The following PLCL2 variants were observed in gnomAD, a reference collection of about 807,000 sequenced individuals.
PLCL2 encodes the protein phospholipase C like 2, also known as inactive phospholipase C-like protein 2.
In PLCL2, 4 loss-of-function variants were observed where a neutral mutation model predicts 79.6. That is an observed-to-expected ratio of 0.05 (90% CI 0.02 to 0.11). The LOEUF is 0.11. Ranked by LOEUF, PLCL2 falls within the 10% of genes least tolerant of loss-of-function variation. The probability of loss-of-function intolerance (pLI) is 1.00; values close to 1 mark genes in which losing one functional copy is unlikely to be tolerated. For missense variants in PLCL2, 895 were observed against 1,291.0 expected, an observed-to-expected ratio of 0.69 and a Z score of 4.70; for synonymous variants, 484 against 457.7, an observed-to-expected ratio of 1.06 and a Z score of -0.73.
intron 1 of PLCL2, among the ~76,000 whole-genome samples, chr3:16,929,261 G>C (rs1225729649): frequency 6.6e-6 from 1 of 152,132 alleles, no homozygotes; most frequent in Admixed American, 6.5e-5. Context: ...TTGTCTCAGA[G>C]CCTATAGAGG....
Position 16,955,362 on chromosome 3 carries a change from G to A in PLCL2, c.328-54312G>A, listed in dbSNP as rs1298759960. On this transcript the variant is annotated intron_variant, in intron 1 of 5. Transcript: ENST00000615277. ...TAGATGTGTGGTATTATTTCTGAGG[G>A]CTCTGTTCTGTTCCATTGATCTATA... 4.6e-5 allele frequency among the ~76,000 whole-genome samples: 7 copies of A among 152,130 alleles called. No homozygotes were observed. The South Asian group carries it at 1.5e-3, about 32-fold the overall frequency.
At chr3:16,961,208 G>A (rs989968088) in intron 1 of PLCL2, among the ~76,000 whole-genome samples, 1 of 152,202 alleles carries the variant, frequency 6.6e-6, no homozygotes, top group Admixed American at 6.5e-5. Flanking sequence ...TATACCACTA[G>A]CAAATGTTGA....
At chr3:17,080,305 C>A (rs1006268485) in intron 5 of PLCL2, among the ~76,000 whole-genome samples, 1 of 152,100 alleles carries the variant, frequency 6.6e-6, no homozygotes. Flanking sequence ...GGGAAGTGGA[C>A]CTGACCAAGC....
intron 1 of PLCL2, among the ~76,000 whole-genome samples, chr3:16,934,033 C>T (rs991766962): frequency 6.6e-6 from 1 of 152,174 alleles, no homozygotes; most frequent in African/African-American, 2.4e-5. Context: ...CACCACTGCA[C>T]TCCAGCCTGA....
At chr3:16,896,869 C>T (rs1696491814) in intron 1 of PLCL2, among the ~76,000 whole-genome samples, 1 of 152,196 alleles carries the variant, frequency 6.6e-6, no homozygotes, top group Non-Finnish European at 1.5e-5. Flanking sequence ...GATTCTAAAA[C>T]ATACTAATGT....
At chr3:16,972,582 T>C (rs1265431704) in intron 1 of PLCL2, among the ~76,000 whole-genome samples, 2 of 152,150 alleles carry the variant, frequency 1.3e-5, no homozygotes, top group Non-Finnish European at 2.9e-5. Flanking sequence ...TGGTGGGGGT[T>C]GAAGTCTCAG....
intron 1 of PLCL2, among the ~76,000 whole-genome samples, chr3:16,969,133 A>T (rs142472241): frequency 2.9e-4 from 44 of 152,236 alleles, no homozygotes; most frequent in African/African-American, 1.0e-3. Context: ...GTGTTGCTGG[A>T]TTAAGTTTGC....
chr3:16,986,623 T>G (rs908631150), intron 1 of PLCL2, among the ~76,000 whole-genome samples: 4 of 151,832 alleles, frequency 2.6e-5, no homozygotes, highest in African/African-American at 4.8e-5. Context: ...GGCTGGTCTC[T>G]AACTCCTGAC....
intron 1 of PLCL2, among the ~76,000 whole-genome samples, chr3:16,962,439 CA>C (rs2063764079): frequency 6.7e-6 from 1 of 150,150 alleles, no homozygotes; most frequent in Non-Finnish European, 1.5e-5. Context: ...TTTTTTTCCC[CA>C]AGGACCTTTG....
At chr3:16,987,999 C>T (rs1371528845) in intron 1 of PLCL2, among the ~76,000 whole-genome samples, 1 of 152,140 alleles carries the variant, frequency 6.6e-6, no homozygotes, top group East Asian at 1.9e-4. Context: ...AATGAACGAG[C>T]AAGCTAAACA....
intron 5 of PLCL2, among the ~76,000 whole-genome samples, chr3:17,073,262 T>G (rs537568187): frequency 6.6e-6 from 1 of 152,212 alleles, no homozygotes; most frequent in African/African-American, 2.4e-5. Context: ...AGTCACATGA[T>G]TTTTTTGGTT....
intron 5 of PLCL2, among the ~76,000 whole-genome samples, chr3:17,078,380 A>G (rs2065128460): frequency 6.6e-6 from 1 of 151,106 alleles, no homozygotes; most frequent in Non-Finnish European, 1.5e-5. Flanking sequence ...TCTGCTGGGA[A>G]CTCAGCTTGG....
At chr3:16,909,099 T>C (rs138414572) in intron 1 of PLCL2, among the ~76,000 whole-genome samples, 61 of 152,230 alleles carry the variant, frequency 4.0e-4, no homozygotes, top group Non-Finnish European at 3.2e-4. Context: ...GCTTATGTTA[T>C]CTGCCTGCTG....
chr3:16,937,055 A>G (rs1019664417), intron 1 of PLCL2, among the ~76,000 whole-genome samples: 1 of 152,168 alleles, frequency 6.6e-6, no homozygotes, highest in South Asian at 2.1e-4. Context: ...ACTAAATGCC[A>G]GTAACACCCC....
intron 1 of PLCL2, among the ~76,000 whole-genome samples, chr3:16,900,520 G>T (rs976862855): frequency 6.6e-6 from 1 of 152,066 alleles, no homozygotes; most frequent in Non-Finnish European, 1.5e-5. Context: ...ATTTCATTAG[G>T]ATTATTATCC....
chr3:17,085,731 G>T (rs1313179242), intron 5 of PLCL2, among the ~76,000 whole-genome samples: 1 of 152,050 alleles, frequency 6.6e-6, no homozygotes, highest in Non-Finnish European at 1.5e-5. Flanking sequence ...TTACAGGCGT[G>T]AGCCACCATG....
At chr3:16,928,035 G>C (rs1697298784) in intron 1 of PLCL2, among the ~76,000 whole-genome samples, 1 of 152,190 alleles carries the variant, frequency 6.6e-6, no homozygotes, top group Non-Finnish European at 1.5e-5. Flanking sequence ...CATTTTCCAG[G>C]TGAGGAAATT....
chr3:17,034,926 T>C (rs4402923), intron 3 of PLCL2, among the ~76,000 whole-genome samples: 33,428 of 152,090 alleles, frequency 0.22, 4,092 homozygotes, highest in East Asian at 0.54. Context: ...CACCTCTCTC[T>C]GTACACGCCT....
chr3:16,963,624 A>G lies in PLCL2; in HGVS notation c.328-46050A>G, dbSNP rs77594343. On this transcript the variant is annotated intron_variant, in intron 1 of 5. Coordinates refer to ENST00000615277, the MANE Select transcript of PLCL2 (RefSeq NM_001144382.2). ...TTCTTTGAAAGTAGAATAGAGAGCA[A>G]TCTTATTTAACCCCCAGCATATACT... Among the ~76,000 whole-genome samples, 1,385 of 152,242 alleles carry G rather than the reference A, an allele frequency of 9.1e-3. 28 individuals are homozygous for G. Among genetic ancestry groups the G allele is most frequent in the African/African-American group, 0.031 (1,303 of 41,534 alleles).
Sources: gnomAD v4.1 joint callset for allele counts (sites outside exome capture counted in the v4.1 genomes callset) on GRCh38, gnomAD v4.1.1 for gene constraint, MANE v1.5 for transcripts, NCBI Gene and HGNC (gene_info 2026-07-23, HGNC 2026-07-21) for gene names.